Variants in PSME4 observed in about 807,000 individuals in gnomAD.
PSME4 encodes the protein proteasome activator complex subunit 4.
Under a neutral mutation model 253.9 loss-of-function variants are expected in PSME4, and 89 were observed. The ratio of observed to expected loss-of-function variants is 0.35; its 90% confidence interval spans 0.30 to 0.42. PSME4 has a LOEUF of 0.42. Among genes scored for constraint, PSME4 ranks in the 10% least tolerant of loss-of-function variants. The probability of loss-of-function intolerance (pLI) is 1.00; values close to 1 mark genes in which losing one functional copy is unlikely to be tolerated. For missense variants in PSME4, 2,014 were observed against 2,195.2 expected, an observed-to-expected ratio of 0.92 and a Z score of 1.65; for synonymous variants, 851 against 759.2, an observed-to-expected ratio of 1.12 and a Z score of -1.99.
intron 31 of PSME4, among the ~76,000 whole-genome samples, chr2:53,897,411 C>T (rs1199361187): frequency 6.6e-6 from 1 of 152,072 alleles, no homozygotes; most frequent in Non-Finnish European, 1.5e-5. Context: ...TCAGGTGATC[C>T]ACCTGCCTCA....
At chr2:53,890,798 C>T (rs970348336) in intron 36 of PSME4, among the ~76,000 whole-genome samples, 9 of 152,082 alleles carry the variant, frequency 5.9e-5, no homozygotes, top group Non-Finnish European at 1.0e-4. Context: ...GAGGCCAAGG[C>T]AGGAGGATCA....
rs970301788 is a variant in PSME4 at position 53,908,943 on chromosome 2, G to GA, written c.2573-104dup. 10 of 804,700 alleles carry GA rather than the reference G, an allele frequency of 1.2e-5. No individual in the cohort carries two copies. The African/African-American group carries it at 1.4e-4, about 11-fold the overall frequency. The allele number at this position is 804,700 out of a possible 1,614,324, so 49.8% of individuals were successfully genotyped here. ...GGTCAAGGAGGGATAAAGTATTGGA[G>GA]AAAAAAATAGGTCTGCCTTTACCAT... On this transcript the variant is annotated intron_variant, in intron 21 of 46. Transcript: ENST00000404125.
At chr2:53,893,037 A>G in intron 35 of PSME4, 77 bp from the exon 36 acceptor site, 4 of 1,384,472 alleles carry the variant, frequency 2.9e-6, no homozygotes, top group Non-Finnish European at 3.9e-6. Context: ...ATTATTCTGT[A>G]CATTACTAAC....
intron 1 of PSME4, among the ~76,000 whole-genome samples, chr2:53,970,190 G>A (rs546743691): frequency 6.6e-6 from 1 of 152,300 alleles, no homozygotes; most frequent in Non-Finnish European, 1.5e-5. Flanking sequence ...TCTCCCATGC[G>A]CAAAAGTCCA....
intron 41 of PSME4, among the ~76,000 whole-genome samples, chr2:53,880,355 G>C (rs1206370259): frequency 6.6e-6 from 1 of 152,040 alleles, no homozygotes; most frequent in Admixed American, 6.6e-5. Flanking sequence ...AGCTACACAA[G>C]AGACTGAGGT....
intron 1 of PSME4, among the ~76,000 whole-genome samples, chr2:53,952,497 G>A (rs1041296275): frequency 6.6e-6 from 1 of 152,110 alleles, no homozygotes; most frequent in African/African-American, 2.4e-5. Context: ...GAGCCGAGAT[G>A]GTGCTAGAGT....
intron 44 of PSME4, among the ~76,000 whole-genome samples, chr2:53,867,395 G>A (rs558851239): frequency 6.6e-6 from 1 of 150,860 alleles, no homozygotes; most frequent in African/African-American, 2.4e-5. Context: ...CAGATACCCA[G>A]AAGCTGAGGC....
intron 20 of PSME4, among the ~76,000 whole-genome samples, chr2:53,918,282 A>G (rs918239257): frequency 1.3e-5 from 2 of 152,224 alleles, no homozygotes; most frequent in East Asian, 3.8e-4. Flanking sequence ...TGGTCTTAGT[A>G]TATTTAAATT....
At chr2:53,898,648 C>T (rs1023401956) in intron 29 of PSME4, among the ~76,000 whole-genome samples, 41 of 151,792 alleles carry the variant, frequency 2.7e-4, no homozygotes, top group Admixed American at 1.4e-3. Context: ...CACACACACA[C>T]ACACACACAC....
intron 8 of PSME4, 23 bp from the exon 9 acceptor site, chr2:53,932,783 A>G (rs570973791): frequency 6.4e-7 from 1 of 1,566,070 alleles, no homozygotes; most frequent in Non-Finnish European, 8.8e-7. Flanking sequence ...AAGAGTAAAA[A>G]TGTCAGTACC....
At chr2:53,902,931 CTT>C (rs376848089) in intron 27 of PSME4, among the ~76,000 whole-genome samples, 6 of 152,160 alleles carry the variant, frequency 3.9e-5, no homozygotes, top group African/African-American at 1.4e-4. Flanking sequence ...TAGGGCTCGT[CTT>C]CATTATCTCC....
chr2:53,969,096 A>T (rs1246134571), intron 1 of PSME4, among the ~76,000 whole-genome samples: 1 of 152,178 alleles, frequency 6.6e-6, no homozygotes, highest in Non-Finnish European at 1.5e-5. Context: ...CAACACAAAA[A>T]CCTAGGAGTC....
At chr2:53,883,789 T>C (rs1013764582) in intron 41 of PSME4, among the ~76,000 whole-genome samples, 2 of 152,124 alleles carry the variant, frequency 1.3e-5, no homozygotes, top group Non-Finnish European at 2.9e-5. Flanking sequence ...GATGATCTCA[T>C]TCAATATCAT....
Position 53,921,124 on chromosome 2 carries a change from A to T in PSME4, c.2047-20T>A, listed in dbSNP as rs1668295420. ...AGTAATCTAAAAGGAGGGAAAAAAT[A>T]GTTGAAGATATTTTGGTTAAAAGAA... On this transcript the variant is annotated intron_variant, in intron 17 of 46. Coordinates refer to ENST00000404125, the MANE Select transcript of PSME4 (RefSeq NM_014614.3). The T allele has an allele frequency of 3.1e-6, 5 of 1,612,184 alleles. No individual in the cohort carries two copies. The highest frequency in any genetic ancestry group is 3.4e-6 in the Non-Finnish European group (4 of 1,179,862).
chr2:53,882,915 A>T (rs925145736), intron 41 of PSME4, among the ~76,000 whole-genome samples: 6 of 151,498 alleles, frequency 4.0e-5, no homozygotes, highest in South Asian at 2.1e-4. Flanking sequence ...AAAAATAAAT[A>T]AATAAGATAA....
At chr2:53,953,320 T>A (rs568632375) in intron 1 of PSME4, among the ~76,000 whole-genome samples, 1 of 151,906 alleles carries the variant, frequency 6.6e-6, no homozygotes, top group African/African-American at 2.4e-5. Flanking sequence ...AAAGAACTCA[T>A]ATCCAAATTA....
rs546509177 is a variant in PSME4 at position 53,948,373 on chromosome 2, A to G, written c.500+48T>C. The G allele has an allele frequency of 1.5e-4, 188 of 1,244,710 alleles. 3 individuals are homozygous for G. In the South Asian group the frequency reaches 2.2e-3, roughly 14 times the overall value. 77.1% of individuals were successfully genotyped at this position (1,244,710 alleles called of 1,614,324 possible). ...TTTTTCAATCATGATCACCCCCCTA[A>G]AAAACCCCAAGTACTCCCAAATAAG... On this transcript the variant is annotated intron_variant, in intron 3 of 46. Coordinates refer to ENST00000404125, the MANE Select transcript of PSME4 (RefSeq NM_014614.3).
intron 3 of PSME4, among the ~76,000 whole-genome samples, chr2:53,942,843 CTAT>C (rs1245344874): frequency 6.6e-6 from 1 of 152,138 alleles, no homozygotes; most frequent in Non-Finnish European, 1.5e-5. Context: ...AACTGCCACC[CTAT>C]TATTAAGGGT....
chr2:53,919,985 A>G (rs1366062555), intron 19 of PSME4, among the ~76,000 whole-genome samples: 1 of 152,200 alleles, frequency 6.6e-6, no homozygotes, highest in Admixed American at 6.5e-5. Flanking sequence ...AAATTAGAAA[A>G]AGAAACCCAC....
Sources: allele counts gnomAD v4.1 joint callset (sites outside exome capture counted in the v4.1 genomes callset), GRCh38; gene constraint gnomAD v4.1.1; transcripts MANE v1.5; gene names NCBI Gene and HGNC (gene_info 2026-07-23, HGNC 2026-07-21).